The following SMAP1 variants were observed in gnomAD, a reference collection of about 807,000 sequenced individuals.
SMAP1 encodes small ArfGAP 1.
In SMAP1, 24 loss-of-function variants were observed where a neutral mutation model predicts 58.5. The ratio of observed to expected loss-of-function variants is 0.41; its 90% CI spans 0.30 to 0.58. The LOEUF (loss-of-function observed/expected upper bound fraction) is 0.58. Ranked by LOEUF, SMAP1 falls within the 20% of genes least tolerant of loss-of-function variation. The pLI is 0.29. For missense variants in SMAP1, 563 were observed against 566.3 expected (o/e 0.99, Z 0.06); for synonymous variants, 216 against 196.6 (o/e 1.10, Z -0.82).
chr6:70,751,370 A>G (rs1481043315), intron 2 of SMAP1, among the ~76,000 whole-genome samples: 1 of 152,232 alleles, frequency 6.6e-6, no homozygotes, highest in African/African-American at 2.4e-5. Context: ...ATAGATTCTT[A>G]CAATCATTTC....
At chr6:70,743,599 C>T (rs1765900998) in intron 2 of SMAP1, among the ~76,000 whole-genome samples, 1 of 152,122 alleles carries the variant, frequency 6.6e-6, no homozygotes, top group Non-Finnish European at 1.5e-5. Context: ...TACATTTATT[C>T]AAGAAAACCA....
intron 2 of SMAP1, among the ~76,000 whole-genome samples, chr6:70,745,277 C>G (rs1177630730): frequency 6.6e-6 from 1 of 152,044 alleles, no homozygotes; most frequent in African/African-American, 2.4e-5. Context: ...GTATTGCCTA[C>G]GTTTTCTTAT....
At chr6:70,690,492 G>A (rs926797755) in intron 1 of SMAP1, among the ~76,000 whole-genome samples, 1 of 151,778 alleles carries the variant, frequency 6.6e-6, no homozygotes, top group Non-Finnish European at 1.5e-5. Flanking sequence ...TTTTAGTAGA[G>A]ATGGGGTTTC....
chr6:70,792,621 A>G (rs1247896385), intron 5 of SMAP1, among the ~76,000 whole-genome samples: 2 of 152,222 alleles, frequency 1.3e-5, no homozygotes, highest in African/African-American at 2.4e-5. Context: ...ATTAGATATA[A>G]GGGGAAGGAT....
intron 7 of SMAP1, among the ~76,000 whole-genome samples, chr6:70,850,841 T>C (rs1008580651): frequency 2.0e-5 from 3 of 152,110 alleles, no homozygotes; most frequent in Non-Finnish European, 4.4e-5. Flanking sequence ...CTATACATCA[T>C]GTAAATGGGG....
chr6:70,754,755 C>G (rs1461961308), intron 2 of SMAP1, among the ~76,000 whole-genome samples: 1 of 151,988 alleles, frequency 6.6e-6, no homozygotes, highest in Non-Finnish European at 1.5e-5. Context: ...AGATTATGGA[C>G]TATGGATCAA....
intron 6 of SMAP1, among the ~76,000 whole-genome samples, chr6:70,835,412 A>C (rs576801558): frequency 6.6e-6 from 1 of 152,220 alleles, no homozygotes; most frequent in Non-Finnish European, 1.5e-5. Context: ...AAATGAACTC[A>C]TGTAACAACT....
At chr6:70,711,728 A>G (rs1053209195) in intron 1 of SMAP1, among the ~76,000 whole-genome samples, 1 of 151,902 alleles carries the variant, frequency 6.6e-6, no homozygotes, top group Non-Finnish European at 1.5e-5. Context: ...GGGTTTCACT[A>G]TGTTGGCCAG....
At chr6:70,738,436 G>T (rs1765696480) in intron 2 of SMAP1, among the ~76,000 whole-genome samples, 1 of 143,606 alleles carries the variant, frequency 7.0e-6, no homozygotes, top group Non-Finnish European at 1.5e-5. Flanking sequence ...GAACACACTT[G>T]CTGTTTATAT....
intron 2 of SMAP1, chr6:70,734,642 C>A (rs920897812): frequency 2.6e-5 from 4 of 152,774 alleles, no homozygotes; most frequent in African/African-American, 9.6e-5. Flanking sequence ...CCACAGCGGG[C>A]TTTGGTGCTT....
chr6:70,729,459 T>TTTTGTGTGTGTGTGTG (rs1491434129), intron 1 of SMAP1, among the ~76,000 whole-genome samples: 16 of 128,166 alleles, frequency 1.2e-4, no homozygotes, highest in African/African-American at 3.5e-4. Flanking sequence ...AAAAAGAAGG[T>TTTTGTGTGTGTGTGTG]TGTGTGTGTG....
At chr6:70,724,491 C>T (rs1768678757) in intron 1 of SMAP1, among the ~76,000 whole-genome samples, 2 of 152,148 alleles carry the variant, frequency 1.3e-5, no homozygotes, top group Non-Finnish European at 2.9e-5. Context: ...CCACTGCACC[C>T]GGTCAAGATA....
chr6:70,841,482 CAG>C (rs1158467503), intron 7 of SMAP1, among the ~76,000 whole-genome samples: 4 of 101,210 alleles, frequency 4.0e-5, no homozygotes, highest in Admixed American at 1.0e-4. Context: ...AAATCTAGCT[CAG>C]GGGTGTACAT....
At position 70,668,077 on chromosome 6, in the gene SMAP1, G is replaced by A. The variant is rs747987260; in HGVS notation, c.54G>A (p.Gln18=). ...CTCAGAAGCTGAACGAGCAGCACCAGCTCATCCTATCCAAGCTTCTGAGGG... is the reference window on the plus strand; with the variant it reads ...CTCAGAAGCTGAACGAGCAGCACCAACTCATCCTATCCAAGCTTCTGAGGG... The part of the protein sequence containing the change: ...EKAQKLNEQH[Q]LILSKLLREE... Residue 18 remains glutamine (Q), a synonymous_variant, in exon 1 of 11, where the codon CAG becomes CAA. Coordinates refer to ENST00000370455, the MANE Select transcript of SMAP1 (RefSeq NM_001044305.3). 1.2e-6 allele frequency: 2 copies of A among 1,606,240 alleles called. No individual in the cohort carries two copies. The highest frequency in any genetic ancestry group is 1.1e-5 in the South Asian group (1 of 90,084).
At chr6:70,702,641 CTTT>C (rs200336798) in intron 1 of SMAP1, among the ~76,000 whole-genome samples, 1 of 144,578 alleles carries the variant, frequency 6.9e-6, no homozygotes. Context: ...TCTTCTTCTT[CTTT>C]TTTTTTTTTT....
intron 1 of SMAP1, among the ~76,000 whole-genome samples, chr6:70,709,933 A>C (rs1767984206): frequency 6.6e-6 from 1 of 151,920 alleles, no homozygotes; most frequent in East Asian, 1.9e-4. Context: ...ATTTATTCCT[A>C]ACTTCAGTCT....
At chr6:70,697,643 G>T (rs184957939) in intron 1 of SMAP1, among the ~76,000 whole-genome samples, 1 of 152,124 alleles carries the variant, frequency 6.6e-6, no homozygotes, top group African/African-American at 2.4e-5. Flanking sequence ...TTCTCTGGTG[G>T]TATGTTTTAA....
At chr6:70,775,602 T>A (rs1272765329) in intron 4 of SMAP1, among the ~76,000 whole-genome samples, 1 of 152,198 alleles carries the variant, frequency 6.6e-6, no homozygotes, top group Non-Finnish European at 1.5e-5. Context: ...AGAGAACAAA[T>A]ATGGCTAATG....
At chr6:70,857,735 T>G (rs1443484665) in intron 9 of SMAP1, 187 bp from the exon 10 acceptor site, 5 of 600,670 alleles carry the variant, frequency 8.3e-6, no homozygotes, top group Non-Finnish European at 1.5e-5. Flanking sequence ...AACTGATTTG[T>G]CTGCATCCTA....
Sources: allele counts gnomAD v4.1 joint callset (sites outside exome capture counted in the v4.1 genomes callset), GRCh38; gene constraint gnomAD v4.1.1; transcripts MANE v1.5; gene names NCBI Gene and HGNC (gene_info 2026-07-23, HGNC 2026-07-21).